The following PSMG2 variants were observed in gnomAD, a reference collection of about 807,000 sequenced individuals.
PSMG2 encodes the protein proteasome assembly chaperone 2.
A neutral mutation model predicts 31.5 loss-of-function variants in PSMG2; 21 were observed. That is an observed-to-expected ratio of 0.67 (90% CI 0.47 to 0.96). The LOEUF (loss-of-function observed/expected upper bound fraction) is 0.96, where lower values mean the gene tolerates loss of function less well. Among genes scored for constraint, PSMG2 ranks in the 40% least tolerant of loss-of-function variants. PSMG2 has a pLI of 0.00. For missense variants in PSMG2, 318 were observed against 321.2 expected, an observed-to-expected ratio of 0.99 and a Z score of 0.08; for synonymous variants, 120 against 110.4, an observed-to-expected ratio of 1.09 and a Z score of -0.54.
chr18:12,669,058 T>TTTTTG (rs2038873511), intron 1 of PSMG2, among the ~76,000 whole-genome samples: 1 of 127,490 alleles, frequency 7.8e-6, no homozygotes, highest in Non-Finnish European at 1.7e-5. Flanking sequence ...TTTTTTTTTT[T>TTTTTG]GAGACAGAGT....
At chr18:12,663,544 A>T (rs1238947014) in intron 1 of PSMG2, 1 of 152,144 alleles carries the variant, frequency 6.6e-6, no homozygotes, top group Non-Finnish European at 1.5e-5. Context: ...AGGTGCTGGG[A>T]TTACAGATGT....
chr18:12,700,982 C>A (rs1369967550), upstream of PSMG2: 1 of 1,613,164 alleles, frequency 6.2e-7, no homozygotes, highest in Non-Finnish European at 8.5e-7. Context: ...GTTCTTTCAT[C>A]ACATCGTCAA....
At chr18:12,707,193 C>T (rs982519514) in intron 2 of PSMG2, among the ~76,000 whole-genome samples, 36 of 152,232 alleles carry the variant, frequency 2.4e-4, no homozygotes, top group African/African-American at 5.8e-4. Context: ...ATTCTGACTT[C>T]GTGATCCAAC....
intron 2 of PSMG2, among the ~76,000 whole-genome samples, chr18:12,710,935 A>C (rs2145138481): frequency 1.3e-5 from 2 of 152,224 alleles, no homozygotes; most frequent in Middle Eastern, 3.4e-3. Flanking sequence ...CTCTGTCTCT[A>C]CTAAAATACA....
At chr18:12,711,875 T>A (rs770909266) in intron 2 of PSMG2, among the ~76,000 whole-genome samples, 9 of 148,426 alleles carry the variant, frequency 6.1e-5, no homozygotes, top group Non-Finnish European at 1.3e-4. Flanking sequence ...TGCCTCAGCC[T>A]CCTGAGTAGC....
chr18:12,695,393 A>G (rs931147765), intron 1 of PSMG2: 2 of 956,508 alleles, frequency 2.1e-6, no homozygotes, highest in Middle Eastern at 6.5e-4. Context: ...TTTCAATACT[A>G]TATATATTTA....
chr18:12,721,964 G>A (rs1214042558), intron 5 of PSMG2, among the ~76,000 whole-genome samples: 1 of 151,798 alleles, frequency 6.6e-6, no homozygotes, highest in Non-Finnish European at 1.5e-5. Context: ...CATTTCCCTT[G>A]TGTTTTTGTT....
intron 1 of PSMG2, among the ~76,000 whole-genome samples, chr18:12,669,096 T>G: frequency 8.5e-6 from 1 of 118,144 alleles, no homozygotes; most frequent in African/African-American, 3.1e-5. Context: ...TGGAGTGCAG[T>G]GGTGTGATCT....
intron 1 of PSMG2, among the ~76,000 whole-genome samples, chr18:12,664,875 T>C: frequency 6.8e-6 from 1 of 147,168 alleles, no homozygotes; most frequent in African/African-American, 2.6e-5. Flanking sequence ...ACTTTTGTAT[T>C]TTTAGTAGAG....
At chr18:12,688,918 T>C (rs1284395253) in intron 1 of PSMG2, among the ~76,000 whole-genome samples, 1 of 151,960 alleles carries the variant, frequency 6.6e-6, no homozygotes, top group Non-Finnish European at 1.5e-5. Flanking sequence ...ATCGAGACCA[T>C]CCTGGCTAAC....
intron 1 of PSMG2, chr18:12,678,315 C>T (rs1255727891): frequency 1.7e-5 from 27 of 1,614,030 alleles, no homozygotes; most frequent in Non-Finnish European, 2.3e-5. Flanking sequence ...TCTACTGCAT[C>T]AGAGGGTTGA....
chr18:12,671,642 CTTTT>C (rs869130220), intron 1 of PSMG2, among the ~76,000 whole-genome samples: 6 of 55,542 alleles, frequency 1.1e-4, no homozygotes, highest in Non-Finnish European at 1.8e-4. Flanking sequence ...TTCACACTTT[CTTTT>C]TTTTTTTTTT....
intron 3 of PSMG2, among the ~76,000 whole-genome samples, chr18:12,716,813 A>C (rs986986477): frequency 6.6e-6 from 1 of 152,096 alleles, no homozygotes; most frequent in Non-Finnish European, 1.5e-5. Flanking sequence ...ACAGATACTA[A>C]TATTATCCTT....
At chr18:12,723,475 C>G (rs1329702326) in intron 5 of PSMG2, among the ~76,000 whole-genome samples, 1 of 151,922 alleles carries the variant, frequency 6.6e-6, no homozygotes, top group Non-Finnish European at 1.5e-5. Flanking sequence ...TCTTCATTTG[C>G]GACAGAGTCT....
upstream of PSMG2, chr18:12,698,873 C>A: frequency 1.3e-6 from 1 of 747,220 alleles, no homozygotes; most frequent in Non-Finnish European, 2.2e-6. Context: ...AATAGAGATT[C>A]CTCCATTATA....
At chr18:12,660,320 A>AT (rs11433721) in intron 1 of PSMG2, among the ~76,000 whole-genome samples, 62,862 of 142,090 alleles carry the variant, frequency 0.44, 14,232 homozygotes, top group African/African-American at 0.58. Flanking sequence ...AAAAAGATGC[A>AT]TTTTTTTTTT....
intron 5 of PSMG2, 79 bp downstream of exon 5, chr18:12,720,762 T>C (rs1326680349): frequency 1.0e-5 from 14 of 1,405,616 alleles, no homozygotes; most frequent in Middle Eastern, 1.8e-4. Flanking sequence ...ATCGTGCCAC[T>C]GCACTCTAGC....
chr18:12,702,394 A>T, upstream of PSMG2: 1 of 949,858 alleles, frequency 1.1e-6, no homozygotes, highest in Non-Finnish European at 1.7e-6. Context: ...CAGTCCCGGC[A>T]AGCAGATGCC....
At chr18:12,722,231 G>C (rs2040437791) in intron 5 of PSMG2, among the ~76,000 whole-genome samples, 1 of 152,200 alleles carries the variant, frequency 6.6e-6, no homozygotes, top group Admixed American at 6.6e-5. Flanking sequence ...ACTGGAACCT[G>C]ACAATTTATG....
Sources: allele counts gnomAD v4.1 joint callset (sites outside exome capture counted in the v4.1 genomes callset), GRCh38; gene constraint gnomAD v4.1.1; transcripts MANE v1.5; gene names NCBI Gene and HGNC (gene_info 2026-07-23, HGNC 2026-07-21).